Variants in RIC8B observed in about 807,000 individuals in gnomAD.
RIC8B encodes RIC8 guanine nucleotide exchange factor B.
Under a neutral mutation model 57.5 loss-of-function variants are expected in RIC8B, and 16 were observed. The ratio of observed to expected loss-of-function variants is 0.28; its 90% CI spans 0.19 to 0.42. The LOEUF (loss-of-function observed/expected upper bound fraction) is 0.42. Ranked by LOEUF, RIC8B falls within the 10% of genes least tolerant of loss-of-function variation. RIC8B has a pLI of 1.00. For missense variants in RIC8B, 481 were observed against 677.0 expected (o/e 0.71, Z 3.21); for synonymous variants, 216 against 250.8 (o/e 0.86, Z 1.31).
intron 9 of RIC8B, among the ~76,000 whole-genome samples, chr12:106,877,135 T>TA (rs201604105): frequency 0.016 from 2,411 of 152,010 alleles, 23 homozygotes; most frequent in African/African-American, 0.03. Flanking sequence ...AACAGTGATT[T>TA]AAAAAAAACT....
chr12:106,848,465 A>G (rs1949307121), intron 6 of RIC8B, among the ~76,000 whole-genome samples: 2 of 152,224 alleles, frequency 1.3e-5, no homozygotes. Context: ...CACTATGTAG[A>G]AAATGAATTA....
At chr12:106,841,863 A>G (rs1566119251) in intron 4 of RIC8B, among the ~76,000 whole-genome samples, 1 of 152,156 alleles carries the variant, frequency 6.6e-6, no homozygotes, top group East Asian at 1.9e-4. Flanking sequence ...ACAACAGAAC[A>G]AGGTTTTTAG....
At chr12:106,877,994 A>G (rs1354498702) in intron 9 of RIC8B, among the ~76,000 whole-genome samples, 4 of 152,160 alleles carry the variant, frequency 2.6e-5, no homozygotes, top group African/African-American at 9.7e-5. Context: ...TGTACACCAT[A>G]TCAATTTGTC....
Position 106,782,757 on chromosome 12 carries a change from T to TA in RIC8B, c.85-1234dup, listed in dbSNP as rs1194849734. ...CAACATTTCTCTATCTTCTTTAATT[T>TA]AAAAAATTGCTGCTTCTACAAAGAT... On this transcript the variant is annotated intron_variant, in intron 1 of 9. Coordinates refer to ENST00000392837, the MANE Select transcript of RIC8B (RefSeq NM_001330145.2). Among the ~76,000 whole-genome samples the TA allele has an allele frequency of 3.3e-5, 5 of 152,216 alleles. No individual in the cohort carries two copies. The South Asian group carries it at 6.2e-4, about 19-fold the overall frequency.
chr12:106,797,635 T>A (rs1041506505), intron 2 of RIC8B, among the ~76,000 whole-genome samples: 1 of 152,206 alleles, frequency 6.6e-6, no homozygotes, highest in Non-Finnish European at 1.5e-5. Context: ...TTTAACAAGT[T>A]GAATCTTACA....
intron 3 of RIC8B, among the ~76,000 whole-genome samples, chr12:106,819,793 T>A (rs1440251381): frequency 6.8e-6 from 1 of 147,830 alleles, no homozygotes; most frequent in Admixed American, 6.8e-5. Flanking sequence ...TATATAAGTA[T>A]ATATAAAATA....
chr12:106,807,914 C>T lies in RIC8B; in HGVS notation c.133-6782C>T, dbSNP rs1427564279. Among the ~76,000 whole-genome samples, 4 of 151,996 alleles carry T rather than the reference C, an allele frequency of 2.6e-5. 1 individual carries two copies. Among genetic ancestry groups the T allele is most frequent in the African/African-American group, 7.2e-5 (3 of 41,384 alleles). On this transcript the variant is annotated intron_variant, in intron 2 of 9. Transcript: ENST00000392837. ...CAGCCTGGCCAACATGGTTAAACCC[C>T]ATCTCTACTAAAATACAAAAATTAG...
chr12:106,833,531 G>A (rs2046451867), intron 4 of RIC8B, among the ~76,000 whole-genome samples: 1 of 152,128 alleles, frequency 6.6e-6, no homozygotes. Context: ...AACCTGGGAG[G>A]CAAAAGTTGC....
chr12:106,876,314 T>A (rs1472692284), intron 9 of RIC8B, among the ~76,000 whole-genome samples: 2 of 152,152 alleles, frequency 1.3e-5, no homozygotes, highest in Non-Finnish European at 2.9e-5. Context: ...AGGTTACATA[T>A]GGAAATGATA....
intron 2 of RIC8B, among the ~76,000 whole-genome samples, chr12:106,790,018 T>C (rs1340228736): frequency 1.3e-5 from 2 of 152,112 alleles, no homozygotes; most frequent in Non-Finnish European, 1.5e-5. Flanking sequence ...ACTTATATAG[T>C]GTTTTGCAGT....
intron 2 of RIC8B, among the ~76,000 whole-genome samples, chr12:106,795,191 G>A (rs903368555): frequency 1.3e-5 from 2 of 152,054 alleles, no homozygotes; most frequent in African/African-American, 2.4e-5. Context: ...TTATAATAAT[G>A]TATTATTGGA....
At chr12:106,776,158 C>A (rs1278161401) in intron 1 of RIC8B, among the ~76,000 whole-genome samples, 1 of 152,164 alleles carries the variant, frequency 6.6e-6, no homozygotes. Flanking sequence ...TGTCCAACTC[C>A]AAGTCCAGCG....
Position 106,797,813 on chromosome 12 carries a change from C to T in RIC8B, c.132+13769C>T, listed in dbSNP as rs542850032. On this transcript the variant is annotated intron_variant, in intron 2 of 9. Transcript: ENST00000392837. ...TTTTACAGATGAGGAAACAAAGGCACGCAGAGAAATTACTCGCTGAAAATA... is the reference window on the plus strand; with the variant it reads ...TTTTACAGATGAGGAAACAAAGGCATGCAGAGAAATTACTCGCTGAAAATA... 1.8e-4 allele frequency among the ~76,000 whole-genome samples: 28 copies of T among 152,198 alleles called. No homozygotes were observed. The South Asian group carries it at 2.3e-3, about 12-fold the overall frequency.
intron 2 of RIC8B, among the ~76,000 whole-genome samples, chr12:106,803,005 G>A (rs1033845993): frequency 6.6e-6 from 1 of 151,978 alleles, no homozygotes; most frequent in Middle Eastern, 3.4e-3. Context: ...ATTAAGGCTT[G>A]GAGTTTGAAA....
At chr12:106,809,622 T>G (rs934162457) in intron 2 of RIC8B, among the ~76,000 whole-genome samples, 2 of 149,774 alleles carry the variant, frequency 1.3e-5, no homozygotes, top group African/African-American at 4.9e-5. Context: ...GTAAAGCACA[T>G]AAGCAAAAAA....
intron 8 of RIC8B, among the ~76,000 whole-genome samples, chr12:106,869,495 A>G (rs1017536485): frequency 2.0e-5 from 3 of 151,128 alleles, no homozygotes; most frequent in Admixed American, 6.6e-5. Flanking sequence ...GTTGATCTCA[A>G]TCTCCCAACA....
intron 2 of RIC8B, among the ~76,000 whole-genome samples, chr12:106,809,351 C>G (rs186050785): frequency 6.6e-6 from 1 of 152,084 alleles, no homozygotes; most frequent in Admixed American, 6.5e-5. Context: ...TGGCGAAACC[C>G]CATCTCTACT....
At chr12:106,868,886 G>A (rs1429106306) in intron 8 of RIC8B, among the ~76,000 whole-genome samples, 5 of 123,514 alleles carry the variant, frequency 4.0e-5, no homozygotes, top group African/African-American at 1.3e-4. Context: ...ACGGAGTCTC[G>A]CTCTGTCACC....
Position 106,879,058 on chromosome 12 carries a change from A to G in RIC8B, c.1572-6846A>G. On this transcript the variant is annotated intron_variant, in intron 9 of 9. Transcript: ENST00000392837. This position sits in a 1 kb window ranked among gnomAD's most constrained non-coding sequence, Gnocchi z 4.9. The stretch of plus-strand genomic sequence containing the variant: ...AGCAGACAAGAAAGAAGAGCCCTTG[A>G]AAACAAGGGAATGATTTTTGAGTCG... 5 of 985,804 alleles carry G rather than the reference A, an allele frequency of 5.1e-6. No homozygotes were observed. The highest frequency in any genetic ancestry group is 6.0e-6 in the Non-Finnish European group (5 of 829,920). 61.1% of individuals were successfully genotyped at this position (985,804 alleles called of 1,614,324 possible).
Sources: gnomAD v4.1 joint callset for allele counts (sites outside exome capture counted in the v4.1 genomes callset) on GRCh38, gnomAD v4.1.1 for gene constraint, Gnocchi (gnomAD v3.1) non-coding constraint, MANE v1.5 for transcripts, NCBI Gene and HGNC (gene_info 2026-07-23, HGNC 2026-07-21) for gene names.